FRMPD4: variants seen among roughly 807,000 people sequenced by gnomAD.
FRMPD4 encodes the protein FERM and PDZ domain-containing protein 4.
FRMPD4 carries 22 observed loss-of-function variants against 94.1 expected under a neutral mutation model. The observed-to-expected ratio is 0.23, with a 90% CI of 0.17 to 0.33. The LOEUF is 0.33. FRMPD4 is among the 10% of genes least tolerant of loss of function. The probability of loss-of-function intolerance (pLI) is 1.00; values close to 1 mark genes in which losing one functional copy is unlikely to be tolerated. For missense variants in FRMPD4, 1,111 were observed against 1,339.9 expected, an observed-to-expected ratio of 0.83 and a Z score of 2.67; for synonymous variants, 631 against 548.6, an observed-to-expected ratio of 1.15 and a Z score of -2.10.
At chrX:12,280,427 T>C (rs2054506664) in intron 1 of FRMPD4, among the ~76,000 whole-genome samples, 1 of 109,882 alleles carries the variant, frequency 9.1e-6, no homozygotes, top group African/African-American at 3.3e-5. Flanking sequence ...TTCAGGTTCC[T>C]TGGCCTGGAA....
At chrX:12,300,261 G>A (rs1345411511) in intron 1 of FRMPD4, among the ~76,000 whole-genome samples, 2 of 111,804 alleles carry the variant, frequency 1.8e-5, no homozygotes, top group Non-Finnish European at 3.8e-5. Flanking sequence ...AATGGAAGGT[G>A]GGAAGGGCAT....
intron 1 of FRMPD4, among the ~76,000 whole-genome samples, chrX:12,468,595 T>C (rs867839776): frequency 2.0e-4 from 22 of 111,802 alleles, no homozygotes; most frequent in African/African-American, 7.2e-4. Flanking sequence ...GGTGAAGTTA[T>C]TTAATTTTCA....
chrX:12,640,472 T>C (rs773437822), intron 4 of FRMPD4, among the ~76,000 whole-genome samples: 52 of 111,124 alleles, frequency 4.7e-4, no homozygotes, highest in African/African-American at 1.5e-3. Flanking sequence ...CACCTCTAGA[T>C]TGAAAAAGAA....
intron 1 of FRMPD4, among the ~76,000 whole-genome samples, chrX:12,473,992 C>A (rs1201885587): frequency 3.6e-5 from 4 of 110,057 alleles, no homozygotes; most frequent in African/African-American, 1.0e-4. Flanking sequence ...AACTCTCCAA[C>A]CCAAATCAAC....
At chrX:12,416,073 G>C (rs984297312) in intron 1 of FRMPD4, among the ~76,000 whole-genome samples, 1 of 111,764 alleles carries the variant, frequency 8.9e-6, no homozygotes, top group African/African-American at 3.3e-5. Flanking sequence ...CTAACATTTA[G>C]TGAGCATCTA....
At chrX:11,946,279 A>G (rs1455799382) in intron 3 of FRMPD4, among the ~76,000 whole-genome samples, 1 of 111,444 alleles carries the variant, frequency 9.0e-6, no homozygotes, top group African/African-American at 3.3e-5. Context: ...AGACTCACCT[A>G]GGGCTGTTAG....
At chrX:12,140,034 G>T (rs367589711) in intron 1 of FRMPD4, among the ~76,000 whole-genome samples, 1 of 112,548 alleles carries the variant, frequency 8.9e-6, no homozygotes, top group African/African-American at 3.2e-5. Flanking sequence ...ATCAGGCAGG[G>T]ATGAGCAGCT....
At chrX:12,134,196 G>C (rs1423089490), upstream of FRMPD4, among the ~76,000 whole-genome samples, 4 of 112,003 alleles carry the variant, frequency 3.6e-5, no homozygotes, top group Non-Finnish European at 5.6e-5. Context: ...CTGAACCACT[G>C]AATAACAAAT....
At chrX:12,694,561 C>A in intron 9 of FRMPD4, 107 bp downstream of exon 9, 1 of 556,302 alleles carries the variant, frequency 1.8e-6, no homozygotes, top group Non-Finnish European at 3.0e-6. Flanking sequence ...TGTCCCCCAC[C>A]TCAAGCTCAG....
intron 2 of FRMPD4, among the ~76,000 whole-genome samples, chrX:12,591,768 T>C (rs1369529748): frequency 8.9e-6 from 1 of 111,739 alleles, no homozygotes; most frequent in East Asian, 2.8e-4. Context: ...GATTACTTAC[T>C]CTGCAAGATA....
intron 3 of FRMPD4, among the ~76,000 whole-genome samples, chrX:12,127,568 G>A (rs1275276862): frequency 6.3e-5 from 7 of 111,028 alleles, no homozygotes; most frequent in Non-Finnish European, 5.7e-5. Flanking sequence ...AGTTGGATGG[G>A]GACACAGCCA....
intron 1 of FRMPD4, among the ~76,000 whole-genome samples, chrX:12,473,250 G>T (rs1236197756): frequency 9.1e-6 from 1 of 109,666 alleles, no homozygotes; most frequent in East Asian, 2.8e-4. Context: ...ATCCTTTACA[G>T]ACAAGCAAAT....
At chrX:11,948,668 C>G (rs1308587524) in intron 3 of FRMPD4, among the ~76,000 whole-genome samples, 1 of 111,165 alleles carries the variant, frequency 9.0e-6, no homozygotes, top group Non-Finnish European at 1.9e-5. Flanking sequence ...CTCTGCCTTA[C>G]TGCCATCACA....
At chrX:12,060,632 AAG>A (rs1282842998) in intron 3 of FRMPD4, among the ~76,000 whole-genome samples, 1 of 111,316 alleles carries the variant, frequency 9.0e-6, no homozygotes, top group Non-Finnish European at 1.9e-5. Flanking sequence ...CCTGGAATGA[AAG>A]AGTCAATCTA....
At chrX:12,319,746 C>T (rs1269142690) in intron 1 of FRMPD4, among the ~76,000 whole-genome samples, 1 of 111,856 alleles carries the variant, frequency 8.9e-6, no homozygotes, top group African/African-American at 3.3e-5. Context: ...CATTGAGTCT[C>T]CAGACTTAGA....
chrX:12,050,171 A>T (rs1039522122), intron 3 of FRMPD4, among the ~76,000 whole-genome samples: 2 of 111,645 alleles, frequency 1.8e-5, no homozygotes, highest in Admixed American at 1.9e-4. Flanking sequence ...ATGTCCCAGG[A>T]TTTCACATTT....
At position 12,718,796 on chromosome X, in the gene FRMPD4, G is replaced by A; in HGVS notation, c.3964+6G>A. On this transcript the variant is annotated splice_donor_region_variant and intron_variant, in intron 16 of 16. Coordinates refer to ENST00000675598, the MANE Select transcript of FRMPD4 (RefSeq NM_001368397.1). Reference sequence around the variant, plus strand: ...CAAGATTAAGGAAACCACAGGTACAGCAATGATGGATTTAGCACTTTGTAT... The same window carrying A: ...CAAGATTAAGGAAACCACAGGTACAACAATGATGGATTTAGCACTTTGTAT... 4 of 1,115,156 alleles carry A rather than the reference G, an allele frequency of 3.6e-6. No homozygotes were observed. Among genetic ancestry groups the A allele is most frequent in the Non-Finnish European group, 4.9e-6 (4 of 811,344 alleles). 91.9% of individuals were successfully genotyped at this position (1,115,156 alleles called of 1,213,427 possible).
intron 2 of FRMPD4, among the ~76,000 whole-genome samples, chrX:12,531,473 C>T (rs776933835): frequency 8.9e-6 from 1 of 112,106 alleles, no homozygotes; most frequent in South Asian, 3.7e-4. Context: ...GGCAGTGCTT[C>T]TCAAACTTTA....
chrX:12,600,800 G>A (rs940793210), intron 2 of FRMPD4, among the ~76,000 whole-genome samples: 1 of 112,001 alleles, frequency 8.9e-6, no homozygotes, highest in Admixed American at 9.5e-5. Context: ...TATATTTCGT[G>A]CCAGTATCAT....
Sources: gnomAD v4.1 joint callset for allele counts (sites outside exome capture counted in the v4.1 genomes callset) on GRCh38, gnomAD v4.1.1 for gene constraint, MANE v1.5 for transcripts, NCBI Gene and HGNC (gene_info 2026-07-23, HGNC 2026-07-21) for gene names.